Variants in C12orf42 observed in about 807,000 individuals in gnomAD.
The protein encoded by C12orf42 is uncharacterized protein C12orf42.
C12orf42 carries 25 observed loss-of-function variants against 21.6 expected under a neutral mutation model. The observed-to-expected ratio is 1.16, with a 90% CI of 0.84 to 1.62. The LOEUF (loss-of-function observed/expected upper bound fraction) is 1.62. Ranked by LOEUF, C12orf42 falls within the 40% of genes most tolerant of loss-of-function variation. The probability of loss-of-function intolerance (pLI) is 0.00; values close to 1 mark genes in which losing one functional copy is unlikely to be tolerated. For missense variants in C12orf42, 483 were observed against 459.3 expected, an observed-to-expected ratio of 1.05 and a Z score of -0.47; for synonymous variants, 174 against 175.0, an observed-to-expected ratio of 0.99 and a Z score of 0.05.
chr12:103,139,475 G>T, the C12orf42 span, among the ~76,000 whole-genome samples: 1 of 152,160 alleles, frequency 6.6e-6, no homozygotes, highest in Admixed American at 6.5e-5. Flanking sequence ...TCACAGACAT[G>T]ATTAAAGACA....
rs139648040 is a variant in C12orf42 at position 103,340,587 on chromosome 12, G to T, written c.259+28300C>A. Reference sequence around the variant, plus strand: ...GCAAAAATATCCAGCACCCAAAAGGGTAAAATTTGCAATGTTTGCCATCTA... The same window carrying T: ...GCAAAAATATCCAGCACCCAAAAGGTTAAAATTTGCAATGTTTGCCATCTA... On this transcript the variant is annotated intron_variant, in intron 4 of 5. Coordinates refer to ENST00000548883, the MANE Select transcript of C12orf42 (RefSeq NM_198521.5). Among the ~76,000 whole-genome samples the T allele has an allele frequency of 2.0e-5, 3 of 152,146 alleles. No homozygotes were observed. The East Asian group carries it at 5.8e-4, about 29-fold the overall frequency.
chr12:103,461,552 G>A (rs1317060898), intron 2 of C12orf42, among the ~76,000 whole-genome samples: 1 of 152,196 alleles, frequency 6.6e-6, no homozygotes, highest in Admixed American at 6.5e-5. Context: ...TGTTTGTGAT[G>A]TCTACATTTA....
chr12:103,534,155 T>G, the C12orf42 span, among the ~76,000 whole-genome samples: 1 of 152,244 alleles, frequency 6.6e-6, no homozygotes, highest in Non-Finnish European at 1.5e-5. Flanking sequence ...TTGTGGGCAT[T>G]ATTGTTTTAT....
chr12:103,087,002 C>T, the C12orf42 span, among the ~76,000 whole-genome samples: 1 of 152,082 alleles, frequency 6.6e-6, no homozygotes, highest in South Asian at 2.1e-4. Flanking sequence ...AAAGGAAATG[C>T]CATAAGTTAA....
At chr12:103,440,740 T>A (rs1951180428) in intron 2 of C12orf42, among the ~76,000 whole-genome samples, 1 of 152,220 alleles carries the variant, frequency 6.6e-6, no homozygotes, top group South Asian at 2.1e-4. Context: ...TCAAATGAGG[T>A]ACAACACCAC....
the C12orf42 span, among the ~76,000 whole-genome samples, chr12:103,194,129 G>A: frequency 7.8e-6 from 1 of 127,824 alleles, no homozygotes; most frequent in African/African-American, 2.6e-5. Context: ...AACATCTCAT[G>A]CTAAAAAAAA....
the C12orf42 span, among the ~76,000 whole-genome samples, chr12:103,208,536 G>A: frequency 6.6e-6 from 1 of 152,180 alleles, no homozygotes. Flanking sequence ...TGTAACAGAG[G>A]AAGCGTTACA....
the C12orf42 span, among the ~76,000 whole-genome samples, chr12:103,146,961 G>T: frequency 6.6e-3 from 1,000 of 152,210 alleles, 29 homozygotes; most frequent in East Asian, 0.03. Flanking sequence ...TCAGCCTGAA[G>T]GCCACTGAGG....
At chr12:103,549,690 C>T in the C12orf42 span, 1 of 152,036 alleles carries the variant, frequency 6.6e-6, no homozygotes, top group Non-Finnish European at 1.5e-5. Flanking sequence ...CATGGTAGAT[C>T]AATGTTAAAA....
At chr12:103,116,528 T>A in the C12orf42 span, among the ~76,000 whole-genome samples, 3 of 152,012 alleles carry the variant, frequency 2.0e-5, no homozygotes, top group Non-Finnish European at 2.9e-5. Context: ...CTCCCTGCCA[T>A]GTTTCCCAAA....
chr12:103,325,211 G>C (rs2040563465), intron 4 of C12orf42, among the ~76,000 whole-genome samples: 1 of 152,208 alleles, frequency 6.6e-6, no homozygotes, highest in Non-Finnish European at 1.5e-5. Flanking sequence ...GCTGGAACTG[G>C]TGTTGGCAGG....
intron 2 of C12orf42, among the ~76,000 whole-genome samples, chr12:103,444,990 T>C (rs1054361317): frequency 4.1e-5 from 6 of 147,394 alleles, no homozygotes; most frequent in Non-Finnish European, 7.7e-5. Flanking sequence ...TAGATATCCA[T>C]AAGTAATAAA....
In C12orf42 at chr12:103,256,513, A is replaced by T. The variant is rs536795860; in HGVS notation, c.*1366+6813T>A. The stretch of plus-strand genomic sequence containing the variant: ...CAAATGGTGCCATGTCTAAAGGTGA[A>T]TGGATCCCCGTAATAGCCAACAGTT... On this transcript the variant is annotated intron_variant and NMD_transcript_variant, in intron 10 of 10. Transcript: ENST00000547347. Among the ~76,000 whole-genome samples the T allele has an allele frequency of 1.6e-4, 25 of 152,102 alleles. No individual in the cohort carries two copies. In the South Asian group the frequency reaches 2.1e-3, roughly 13 times the overall value.
At chr12:103,306,641 G>A (rs1408622778) in intron 4 of C12orf42, among the ~76,000 whole-genome samples, 1 of 152,154 alleles carries the variant, frequency 6.6e-6, no homozygotes, top group Non-Finnish European at 1.5e-5. Flanking sequence ...CTAGCAGATA[G>A]TATTATTATC....
the C12orf42 span, among the ~76,000 whole-genome samples, chr12:103,145,047 T>G: frequency 6.6e-6 from 1 of 152,098 alleles, no homozygotes; most frequent in African/African-American, 2.4e-5. Flanking sequence ...AGACATCATC[T>G]TTTCCCATGA....
At chr12:103,387,215 G>A (rs992466323) in intron 3 of C12orf42, among the ~76,000 whole-genome samples, 2 of 152,016 alleles carry the variant, frequency 1.3e-5, no homozygotes, top group African/African-American at 2.4e-5. Flanking sequence ...TCAATATCCC[G>A]GGCTTGCTAT....
chr12:103,364,698 T>G (rs955300355), intron 4 of C12orf42, among the ~76,000 whole-genome samples: 4 of 152,018 alleles, frequency 2.6e-5, no homozygotes, highest in African/African-American at 4.8e-5. Context: ...AAGGCTAGCA[T>G]GAACATTTTT....
At chr12:103,536,249 A>C in the C12orf42 span, among the ~76,000 whole-genome samples, 1 of 152,184 alleles carries the variant, frequency 6.6e-6, no homozygotes, top group African/African-American at 2.4e-5. Flanking sequence ...TGATGGGACC[A>C]TTCTCTGAGA....
intron 4 of C12orf42, among the ~76,000 whole-genome samples, chr12:103,336,426 T>C (rs80054760): frequency 0.01 from 1,592 of 152,324 alleles, 18 homozygotes; most frequent in African/African-American, 0.036. Context: ...GCTTCACCAC[T>C]GACTAGCTCT....
Sources: gnomAD v4.1 joint callset for allele counts (sites outside exome capture counted in the v4.1 genomes callset) on GRCh38, gnomAD v4.1.1 for gene constraint, MANE v1.5 for transcripts, NCBI Gene and HGNC (gene_info 2026-07-23, HGNC 2026-07-21) for gene names.